PCDH9: variants seen among roughly 807,000 people sequenced by gnomAD.
The protein encoded by PCDH9 is protocadherin-9.
In PCDH9, 24 loss-of-function variants were observed where a neutral mutation model predicts 70.6. That is an observed-to-expected ratio of 0.34 (90% confidence interval 0.25 to 0.48). PCDH9 has a LOEUF of 0.48. PCDH9 is among the 20% of genes least tolerant of loss of function. The probability of loss-of-function intolerance (pLI) is 0.99; values close to 1 mark genes in which losing one functional copy is unlikely to be tolerated. For synonymous variants in PCDH9, 562 were observed against 558.5 expected (o/e 1.01, Z -0.09); for missense variants, 1,281 against 1,503.6 (o/e 0.85, Z 2.45).
intron 2 of PCDH9, among the ~76,000 whole-genome samples, chr13:67,145,180 G>T (rs531125768): frequency 6.6e-6 from 1 of 152,004 alleles, no homozygotes; most frequent in East Asian, 1.9e-4. Flanking sequence ...TTAAAACATC[G>T]ATCTCAACAC....
chr13:66,409,821 A>G (rs969179071), intron 4 of PCDH9, among the ~76,000 whole-genome samples: 5 of 152,164 alleles, frequency 3.3e-5, no homozygotes, highest in African/African-American at 9.7e-5. Flanking sequence ...ATCAGTACCT[A>G]ATACGTTAGC....
chr13:66,821,978 T>C (rs966503159), intron 3 of PCDH9, among the ~76,000 whole-genome samples: 1 of 152,180 alleles, frequency 6.6e-6, no homozygotes, highest in African/African-American at 2.4e-5. Flanking sequence ...TTGTAAAATG[T>C]TGAGAGCTGT....
At chr13:66,746,734 G>A (rs536392347) in intron 3 of PCDH9, among the ~76,000 whole-genome samples, 1 of 152,148 alleles carries the variant, frequency 6.6e-6, no homozygotes, top group East Asian at 1.9e-4. Context: ...TCAAGAATAA[G>A]TAGTAATAAA....
At chr13:66,319,367 A>T (rs1431032488) in intron 4 of PCDH9, among the ~76,000 whole-genome samples, 1 of 152,148 alleles carries the variant, frequency 6.6e-6, no homozygotes, top group East Asian at 1.9e-4. Flanking sequence ...ATCCAAATAC[A>T]GGGGTTCTTG....
At chr13:66,855,748 G>A (rs553529207) in intron 3 of PCDH9, among the ~76,000 whole-genome samples, 6 of 151,972 alleles carry the variant, frequency 3.9e-5, no homozygotes, top group African/African-American at 1.2e-4. Context: ...TCAAACCCTT[G>A]GATAATGTAC....
intron 4 of PCDH9, among the ~76,000 whole-genome samples, chr13:66,494,173 T>C (rs1350536692): frequency 6.6e-6 from 1 of 152,076 alleles, no homozygotes; most frequent in African/African-American, 2.4e-5. Context: ...AAGAATAAGG[T>C]CAACAAAGTT....
chr13:66,987,341 T>A (rs1169208485), intron 2 of PCDH9, among the ~76,000 whole-genome samples: 2 of 152,042 alleles, frequency 1.3e-5, no homozygotes, highest in African/African-American at 4.8e-5. Context: ...CTTGCCTGTT[T>A]ATAAACACTC....
chr13:66,850,224 AGTAAGTTCAATTGGCCAGT>A (rs1342039233), intron 3 of PCDH9, among the ~76,000 whole-genome samples: 1 of 152,232 alleles, frequency 6.6e-6, no homozygotes, highest in African/African-American at 2.4e-5. Flanking sequence ...ACTATCAGAA[AGTAAGTTCAATTGGCCAGT>A]CATGGTGGCT....
chr13:66,872,024 AT>A (rs1418319065), intron 3 of PCDH9, among the ~76,000 whole-genome samples: 1 of 119,928 alleles, frequency 8.3e-6, no homozygotes, highest in East Asian at 2.7e-4. Context: ...CATTTTGATT[AT>A]TTTAACATGT....
At chr13:66,627,916 C>T (rs911892155) in intron 4 of PCDH9, among the ~76,000 whole-genome samples, 1 of 152,294 alleles carries the variant, frequency 6.6e-6, no homozygotes. Flanking sequence ...CTGCCTAGGT[C>T]GAAGTCACTG....
intron 2 of PCDH9, among the ~76,000 whole-genome samples, chr13:67,089,922 T>C (rs928997176): frequency 1.3e-5 from 2 of 151,986 alleles, no homozygotes; most frequent in Non-Finnish European, 2.9e-5. Flanking sequence ...ACTTGCTATG[T>C]AGCATTAATA....
intron 2 of PCDH9, among the ~76,000 whole-genome samples, chr13:67,146,509 C>T (rs1314786096): frequency 1.3e-5 from 2 of 152,138 alleles, no homozygotes; most frequent in African/African-American, 4.8e-5. Context: ...CTCTGATGGA[C>T]ATTTTGATTC....
intron 4 of PCDH9, among the ~76,000 whole-genome samples, chr13:66,379,596 C>T (rs972037878): frequency 6.6e-6 from 1 of 152,198 alleles, no homozygotes; most frequent in Middle Eastern, 3.4e-3. Context: ...TTCTGCAGGA[C>T]ACCACAGACC....
chr13:66,866,535 C>T (rs2081578770), intron 3 of PCDH9, among the ~76,000 whole-genome samples: 1 of 151,834 alleles, frequency 6.6e-6, no homozygotes, highest in Non-Finnish European at 1.5e-5. Context: ...TAGTGGTTCA[C>T]GCCTGTAATC....
intron 4 of PCDH9, among the ~76,000 whole-genome samples, chr13:66,314,123 G>A (rs1441965865): frequency 1.3e-5 from 2 of 152,102 alleles, no homozygotes; most frequent in African/African-American, 4.8e-5. Flanking sequence ...ATCTGATTGG[G>A]TCCTGAGTTC....
At chr13:66,884,303 T>G (rs2081971395) in intron 3 of PCDH9, among the ~76,000 whole-genome samples, 1 of 152,304 alleles carries the variant, frequency 6.6e-6, no homozygotes, top group South Asian at 2.1e-4. Context: ...TTGGCCTCTA[T>G]CAGAATCCAA....
intron 3 of PCDH9, among the ~76,000 whole-genome samples, chr13:66,886,917 G>GT (rs572774911): frequency 6.6e-6 from 1 of 151,768 alleles, no homozygotes; most frequent in East Asian, 1.9e-4. Context: ...GAATTGCTGT[G>GT]TTTTTTTAAC....
chr13:66,548,680 C>A lies in PCDH9; in HGVS notation c.3340+82530G>T, dbSNP rs58936287. ...ATGATCGTAATAACTATAGTGATATCCACTTTAAAAGGCCTACATTTGAGC... is the reference window on the plus strand; with the variant it reads ...ATGATCGTAATAACTATAGTGATATACACTTTAAAAGGCCTACATTTGAGC... On this transcript the variant is annotated intron_variant, in intron 4 of 4. Coordinates refer to ENST00000377865, the MANE Select transcript of PCDH9 (RefSeq NM_203487.3). Among the ~76,000 whole-genome samples the A allele has an allele frequency of 7.7e-3, 1,176 of 152,128 alleles. 13 individuals are homozygous for A. The highest frequency in any genetic ancestry group is 0.027 in the African/African-American group (1,115 of 41,516).
chr13:66,519,071 T>A (rs1323512084), intron 4 of PCDH9, among the ~76,000 whole-genome samples: 1 of 152,152 alleles, frequency 6.6e-6, no homozygotes, highest in Non-Finnish European at 1.5e-5. Context: ...ACTATGCATG[T>A]GGCCACACAG....
Sources: gnomAD v4.1 joint callset for allele counts (sites outside exome capture counted in the v4.1 genomes callset) on GRCh38, gnomAD v4.1.1 for gene constraint, MANE v1.5 for transcripts, NCBI Gene and HGNC (gene_info 2026-07-23, HGNC 2026-07-21) for gene names.